Variants in LILRB1 observed in about 807,000 individuals in gnomAD.
LILRB1 encodes the protein leukocyte immunoglobulin-like receptor subfamily B member 1.
LILRB1 carries 59 observed loss-of-function variants against 74.6 expected under a neutral mutation model. That is an observed-to-expected ratio of 0.79 (90% CI 0.64 to 0.98). The LOEUF is 0.98. LILRB1 is among the 50% of genes least tolerant of loss of function. The pLI is 0.00. For missense variants in LILRB1, 804 were observed against 822.6 expected (o/e 0.98, Z 0.28); for synonymous variants, 328 against 333.9 (o/e 0.98, Z 0.19).
intron 3 of LILRB1, 35 bp from the exon 4 acceptor site, chr19:54,631,465 A>G (rs562746950): frequency 1.3e-6 from 2 of 1,597,760 alleles, no homozygotes; most frequent in African/African-American, 1.3e-5. Flanking sequence ...TTGGGTGGGA[A>G]ATGAGTTAGA....
Position 54,634,723 on chromosome 19 carries a change from C to A in LILRB1, c.1446C>A (p.Leu482=). 6.2e-7 allele frequency: 1 copy of A among 1,614,028 alleles called. No individual in the cohort carries two copies. The highest frequency in any genetic ancestry group is 8.5e-7 in the Non-Finnish European group (1 of 1,179,960). The change falls in exon 10 of 15, where the codon CTC becomes CTA. Residue 482 remains leucine, a synonymous_variant. Transcript: ENST00000324602. Reference sequence around the variant, plus strand: ...TCCTCCTCCTCCTCCTCCTCTTCCTCATCCTCCGACATCGACGTCAGGGCA... The same window carrying A: ...TCCTCCTCCTCCTCCTCCTCTTCCTAATCCTCCGACATCGACGTCAGGGCA... ...LLLLLLLLLF[L]ILRHRRQGKH...
chr19:54,617,358 G>A (rs1204565833), intron 1 of LILRB1: 1 of 152,102 alleles, frequency 6.6e-6, no homozygotes, highest in Non-Finnish European at 1.5e-5. Flanking sequence ...AGGTAAGAGA[G>A]CCCTAATGGC....
chr19:54,636,106 A>C, intron 13 of LILRB1: 1 of 564,484 alleles, frequency 1.8e-6, no homozygotes. Context: ...GAGAAAGGGC[A>C]GAGAGTGTGG....
chr19:54,621,573 C>A (rs1855456343), intron 1 of LILRB1, among the ~76,000 whole-genome samples: 1 of 151,052 alleles, frequency 6.6e-6, no homozygotes, highest in African/African-American at 2.4e-5. Flanking sequence ...GACTTCCTTG[C>A]AGATTCTGGA....
Position 54,636,940 on chromosome 19 carries a change from C to T in LILRB1, c.*62C>T, listed in dbSNP as rs1165870442. On this transcript the variant is annotated 3_prime_UTR_variant, in exon 15 of 15. Transcript: ENST00000324602. ...CTGGAATGCATGGGAGCTGCCCCCC[C>T]AGTGGACACCATTGGACCCCACCCA... 1.9e-6 allele frequency: 3 copies of T among 1,601,996 alleles called. No individual in the cohort carries two copies. Among genetic ancestry groups the T allele is most frequent in the Non-Finnish European group, 2.6e-6 (3 of 1,172,280 alleles).
In LILRB1 at chr19:54,632,749, T is replaced by A; in HGVS notation, c.947T>A (p.Ile316Asn). 6.2e-7 allele frequency: 1 copy of A among 1,612,074 alleles called. No individual in the cohort carries two copies. The highest frequency in any genetic ancestry group is 8.5e-7 in the Non-Finnish European group (1 of 1,179,936). ...TCGGCCCCCAGCGACCCCCTGGACA[T>A]CCTGATCGCAGGTGAGGAGCCCAGC... is the stretch of plus-strand genomic sequence containing the variant. Reference protein sequence around the residue: ...EWSAPSDPLDILIAGQFYDRV... With the variant: ...EWSAPSDPLDNLIAGQFYDRV... The change falls in exon 6 of 15, where the codon ATC (isoleucine) becomes AAC (asparagine). Residue 316 changes from isoleucine (I) to asparagine (N), a missense_variant. Transcript: ENST00000324602.
rs374301109 is a variant in LILRB1 at position 54,634,782 on chromosome 19, G to T, written c.1486+19G>T. ...ACATCGAGTGAGTAGGGAATGGGGGGACCCTGAGGGCTGACCGAGGGTGGG... is the reference window on the plus strand; with the variant it reads ...ACATCGAGTGAGTAGGGAATGGGGGTACCCTGAGGGCTGACCGAGGGTGGG... On this transcript the variant is annotated intron_variant, in intron 10 of 14. Transcript: ENST00000324602. 6 of 1,612,574 alleles carry T rather than the reference G, an allele frequency of 3.7e-6. No homozygotes were observed. The African/African-American group carries it at 6.7e-5, about 18-fold the overall frequency.
intron 11 of LILRB1, 22 bp from the exon 12 acceptor site, chr19:54,635,237 A>G (rs751442827): frequency 6.2e-7 from 1 of 1,612,286 alleles, no homozygotes; most frequent in Non-Finnish European, 8.5e-7. Flanking sequence ...CACTGCCCCT[A>G]AAGCTCCCAT....
rs199546526 is a variant in LILRB1 at position 54,635,192 on chromosome 19, G to A, written c.1562+13G>A. ...GCCTGCAGTGGAGGTAATTCTGCCC[G>A]AAGACCCCAGACTCCCACCTGCTCG... On this transcript the variant is annotated intron_variant, in intron 11 of 14. Transcript: ENST00000324602. 7.6e-5 allele frequency: 121 copies of A among 1,598,956 alleles called. No homozygotes were observed. Among genetic ancestry groups the A allele is most frequent in the African/African-American group, 2.1e-4 (16 of 74,540 alleles).
Position 54,636,213 on chromosome 19 carries a change from G to A in LILRB1, c.1654-281G>A, listed in dbSNP as rs552838220. The A allele has an allele frequency of 8.2e-5, 50 of 608,116 alleles. No individual in the cohort carries two copies. The Admixed American group carries it at 1.0e-3, about 12-fold the overall frequency. The allele number at this position is 608,116 out of a possible 1,614,324, so 37.7% of individuals were successfully genotyped here. On this transcript the variant is annotated intron_variant, in intron 13 of 14. Coordinates refer to ENST00000324602, the MANE Select transcript of LILRB1 (RefSeq NM_001081637.3). ...TGGGGCACACGATCCTCTGATGGAC[G>A]AGCCCCTGCAGGCAGAGGAAACAAC...
chr19:54,632,953 C>T lies in LILRB1; in HGVS notation c.959-63C>T, dbSNP rs1251933805. ...AGACACTGAGGGTCCCAGAGGGAGA[C>T]CTGGGGAGGTGTCAGCTCAGAGCAA... On this transcript the variant is annotated intron_variant, in intron 6 of 14. Transcript: ENST00000324602. The T allele has an allele frequency of 5.8e-5, 91 of 1,576,192 alleles. No homozygotes were observed. In the East Asian group the frequency reaches 2.0e-3, roughly 35 times the overall value.
intron 9 of LILRB1, 52 bp downstream of exon 9, chr19:54,634,073 G>A (rs767991356): frequency 5.9e-5 from 92 of 1,559,342 alleles, no homozygotes; most frequent in Admixed American, 1.4e-4. Flanking sequence ...GGAGGCAGGG[G>A]TGGGTTCTGT....
intron 5 of LILRB1, 49 bp downstream of exon 5, chr19:54,632,286 T>G (rs757611188): frequency 6.3e-7 from 1 of 1,587,126 alleles, no homozygotes; most frequent in East Asian, 2.2e-5. Context: ...TCCAGGCAGG[T>G]GGGGAGCAGC....
chr19:54,632,971 C>T (rs761488037), intron 6 of LILRB1, 45 bp from the exon 7 acceptor site: 3 of 1,591,004 alleles, frequency 1.9e-6, no homozygotes, highest in Non-Finnish European at 2.6e-6. Context: ...GGTGTCAGCT[C>T]AGAGCAAGGT....
intron 2 of LILRB1, 58 bp from the exon 3 acceptor site, chr19:54,631,213 A>C: frequency 6.2e-7 from 1 of 1,614,080 alleles, no homozygotes. Context: ...GATCCCAGGG[A>C]GGGGAGGACC....
intron 1 of LILRB1, among the ~76,000 whole-genome samples, chr19:54,624,903 T>C (rs2063540380): frequency 1.3e-5 from 2 of 148,194 alleles, no homozygotes; most frequent in South Asian, 4.4e-4. Context: ...AATGTCCAGG[T>C]GGGGGCAGGG....
chr19:54,635,722 TC>T (rs1243066034), intron 13 of LILRB1, 113 bp downstream of exon 13: 1 of 1,265,908 alleles, frequency 7.9e-7, no homozygotes, highest in Non-Finnish European at 1.2e-6. Context: ...GGTGGACCCC[TC>T]CTTGTCCAGC....
At chr19:54,624,647 GT>G (rs2063533196) in intron 1 of LILRB1, among the ~76,000 whole-genome samples, 1 of 152,156 alleles carries the variant, frequency 6.6e-6, no homozygotes, top group South Asian at 2.1e-4. Context: ...GAAAGGGCAG[GT>G]AGTTCCCGGA....
intron 7 of LILRB1, 106 bp downstream of exon 7, chr19:54,633,424 C>T (rs2064096030): frequency 6.9e-7 from 1 of 1,454,164 alleles, no homozygotes. Flanking sequence ...GAGAGGGGCT[C>T]AGCCAGTGGG....
Sources: gnomAD v4.1 joint callset for allele counts (sites outside exome capture counted in the v4.1 genomes callset) on GRCh38, gnomAD v4.1.1 for gene constraint, MANE v1.5 for transcripts, NCBI Gene and HGNC (gene_info 2026-07-23, HGNC 2026-07-21) for gene names.